The following ACAN variants were observed in gnomAD, a reference collection of about 807,000 sequenced individuals.
ACAN encodes aggrecan core protein.
A neutral mutation model predicts 169.1 loss-of-function variants in ACAN; 47 were observed. That is an observed-to-expected ratio of 0.28 (90% confidence interval 0.22 to 0.35). The LOEUF (loss-of-function observed/expected upper bound fraction) is 0.35. ACAN is among the 10% of genes least tolerant of loss of function. The pLI is 1.00. For synonymous variants in ACAN, 1,115 were observed against 1,112.2 expected, an observed-to-expected ratio of 1.00 and a Z score of -0.05; for missense variants, 2,716 against 2,759.9, an observed-to-expected ratio of 0.98 and a Z score of 0.36.
chr15:88,832,846 G>A (rs1896398195), intron 1 of ACAN, among the ~76,000 whole-genome samples: 1 of 152,210 alleles, frequency 6.6e-6, no homozygotes, highest in Non-Finnish European at 1.5e-5. Context: ...AACCAGGGAG[G>A]TGGGAGGAAA....
rs915320202 is a variant in ACAN, at chr15:88,803,746, C to A, written c.-71C>A. On this transcript the variant is annotated 5_prime_UTR_variant, in exon 1 of 19. Coordinates refer to ENST00000560601, the MANE Select transcript of ACAN (RefSeq NM_001369268.1). ...ACCCGGGCCTCCCGGCCCCAGGAGC[C>A]CCCAGCTGCCTCGCCAGGTGTGTGG... is the stretch of plus-strand genomic sequence containing the variant. 1 of 152,240 alleles carries A rather than the reference C, an allele frequency of 6.6e-6. No individual in the cohort carries two copies. Among genetic ancestry groups the A allele is most frequent in the Non-Finnish European group, 1.5e-5 (1 of 68,124 alleles). 9.4% of individuals were successfully genotyped at this position (152,240 alleles called of 1,614,324 possible).
At chr15:88,860,249 C>A in intron 12 of ACAN, 77 bp from the exon 13 acceptor site, 1 of 1,066,490 alleles carries the variant, frequency 9.4e-7, no homozygotes, top group Non-Finnish European at 1.4e-6. Context: ...CCTCATGCCC[C>A]AACTTTGAGG....
intron 1 of ACAN, among the ~76,000 whole-genome samples, chr15:88,809,678 T>C (rs1317651618): frequency 6.6e-6 from 1 of 152,226 alleles, no homozygotes; most frequent in East Asian, 1.9e-4. Context: ...TCCCAGAACG[T>C]GCTGCATCAG....
chr15:88,845,620 T>C lies in ACAN; in HGVS notation c.1167T>C (p.Thr389=). 6.2e-7 allele frequency: 1 copy of C among 1,614,034 alleles called. No individual in the cohort carries two copies. Among genetic ancestry groups the C allele is most frequent in the Non-Finnish European group, 8.5e-7 (1 of 1,179,902 alleles). Residue 389 remains threonine (T), a synonymous_variant, in exon 7 of 19, where the codon ACT becomes ACC. Transcript: ENST00000560601. ...DMELPLPRNI[T]EGEARGSVIL... is the part of the protein sequence containing the mutation. Reference sequence around the variant, plus strand: ...AGCTGCCACTGCCTCGAAACATCACTGAGGGTGAAGCCCGAGGCAGCGTGA... The same window carrying C: ...AGCTGCCACTGCCTCGAAACATCACCGAGGGTGAAGCCCGAGGCAGCGTGA...
chr15:88,818,833 G>A (rs1336067879), intron 1 of ACAN, among the ~76,000 whole-genome samples: 1 of 152,162 alleles, frequency 6.6e-6, no homozygotes, highest in Non-Finnish European at 1.5e-5. Flanking sequence ...GGAGATGGAT[G>A]GTGATAATGG....
intron 1 of ACAN, among the ~76,000 whole-genome samples, chr15:88,825,986 C>T (rs970220185): frequency 6.6e-6 from 1 of 152,204 alleles, no homozygotes; most frequent in Non-Finnish European, 1.5e-5. Context: ...ATTTCTGAAG[C>T]TGAAGTTTCG....
rs1408624060 is a variant in ACAN, at chr15:88,857,510, C to T, written c.4925C>T (p.Pro1642Leu). 1 of 1,613,934 alleles carries T rather than the reference C, an allele frequency of 6.2e-7. No individual in the cohort carries two copies. The highest frequency in any genetic ancestry group is 8.5e-7 in the Non-Finnish European group (1 of 1,179,900). Reference sequence around the variant, plus strand: ...TCTGGGGTGGACCTTGGAAGTGGCCCACCCTCTGGCCTGCCTGACTTTAGT... The same window carrying T: ...TCTGGGGTGGACCTTGGAAGTGGCCTACCCTCTGGCCTGCCTGACTTTAGT... ...EYSGVDLGSG[P>L]PSGLPDFSGL... The change falls in exon 12 of 19, where the codon CCA (proline) becomes CTA (leucine). Residue 1642 changes from proline (P) to leucine (L), a missense_variant. Pro to Leu is a moderately conservative substitution (Grantham distance 98). Around this residue, in one of 3 missense-constraint regions of ACAN, gnomAD observed 1,389 missense variants for 1,363.7 expected, o/e 1.02. Coordinates refer to ENST00000560601, the MANE Select transcript of ACAN (RefSeq NM_001369268.1).
Position 88,814,697 on chromosome 15 carries a change from CCTT to C in ACAN, c.-8+10890_-8+10892del, listed in dbSNP as rs1895897558. On this transcript the variant is annotated intron_variant, in intron 1 of 18. Transcript: ENST00000560601. This position sits in a 1 kb window ranked among gnomAD's most constrained non-coding sequence, Gnocchi z 4.0. ...CCTTTGCAATTGATTGTACCCGACT[CCTT>C]CAACCCTTCTCTGGGACTGCGCTGC... Among the ~76,000 whole-genome samples, 1 of 152,228 alleles carries C rather than the reference CCTT, an allele frequency of 6.6e-6. No homozygotes were observed. Among genetic ancestry groups the C allele is most frequent in the South Asian group, 2.1e-4 (1 of 4,832 alleles).
In ACAN at chr15:88,807,028, A is replaced by G. The variant is rs765718244; in HGVS notation, c.-8+3219A>G. Among the ~76,000 whole-genome samples the G allele has an allele frequency of 8.6e-5, 13 of 151,196 alleles. No individual in the cohort carries two copies. The highest frequency in any genetic ancestry group is 2.1e-4 in the South Asian group (1 of 4,758). On this transcript the variant is annotated intron_variant, in intron 1 of 18. Transcript: ENST00000560601. This position sits in a 1 kb window ranked among gnomAD's most constrained non-coding sequence, Gnocchi z 4.0. ...ATATACAAATTTGATATTTGCATAT[A>G]TTTTTATTTAATTTTTTTTTTACTA...
intron 1 of ACAN, among the ~76,000 whole-genome samples, chr15:88,813,207 T>G (rs750726226): frequency 6.6e-6 from 1 of 152,170 alleles, no homozygotes; most frequent in Non-Finnish European, 1.5e-5. Flanking sequence ...ACTTCAGAGC[T>G]TTTCAAACCA....
chr15:88,857,747 G>C lies in ACAN; in HGVS notation c.5162G>C (p.Gly1721Ala). The change falls in exon 12 of 19, where the codon GGG (glycine) becomes GCG (alanine). Residue 1721 changes from glycine to alanine, a missense_variant. Coordinates refer to ENST00000560601, the MANE Select transcript of ACAN (RefSeq NM_001369268.1). ...SGTELSGQAS[G>A]SPDVSGEIPG... is the part of the protein sequence containing the mutation. ...ACTGAACTCAGTGGCCAAGCATCTG[G>C]GTCTCCTGATGTCAGTGGGGAAATA... 6.2e-7 allele frequency: 1 copy of C among 1,613,944 alleles called. No individual in the cohort carries two copies. Among genetic ancestry groups the C allele is most frequent in the Non-Finnish European group, 8.5e-7 (1 of 1,179,898 alleles).
At chr15:88,854,587 G>A (rs1467954908) in intron 11 of ACAN, among the ~76,000 whole-genome samples, 3 of 152,152 alleles carry the variant, frequency 2.0e-5, no homozygotes, top group Non-Finnish European at 2.9e-5. Context: ...GCACCTGGGG[G>A]AGCTTCCCAG....
chr15:88,843,302 G>T lies in ACAN; in HGVS notation c.758-53G>T. ...AAGTGTGGATCTCTCTGGGGATGCA[G>T]AGCAGGGGGAGGGGGGAGAAGACCC... On this transcript the variant is annotated intron_variant, in intron 5 of 18. Transcript: ENST00000560601. The surrounding 1 kb of genome is among the most constrained non-coding windows in gnomAD (Gnocchi z 4.0). 7.5e-7 allele frequency: 1 copy of T among 1,340,126 alleles called. No individual in the cohort carries two copies. Among genetic ancestry groups the T allele is most frequent in the Non-Finnish European group, 9.6e-7 (1 of 1,045,504 alleles). The allele number at this position is 1,340,126 out of a possible 1,614,324, so 83.0% of individuals were successfully genotyped here. A position where few individuals can be genotyped will look rare whatever the true frequency, so the allele number is the denominator to read the frequency against.
chr15:88,818,217 A>C (rs1895990655), intron 1 of ACAN, among the ~76,000 whole-genome samples: 1 of 152,226 alleles, frequency 6.6e-6, no homozygotes, highest in Non-Finnish European at 1.5e-5. Context: ...CCATGTCTGC[A>C]ATGAAAAGTA....
rs1896606113 is a variant in ACAN, at chr15:88,839,952, G to A, written c.455-60G>A. 3.2e-6 allele frequency: 5 copies of A among 1,545,480 alleles called. No homozygotes were observed. Among genetic ancestry groups the A allele is most frequent in the African/African-American group, 1.4e-5 (1 of 73,410 alleles). ...ATTGCCATAATTCTGCGAGGGCCTCGGTGATCAGAGACTGTGCCTGACCAG... is the reference window on the plus strand; with the variant it reads ...ATTGCCATAATTCTGCGAGGGCCTCAGTGATCAGAGACTGTGCCTGACCAG... On this transcript the variant is annotated intron_variant, in intron 3 of 18. Coordinates refer to ENST00000560601, the MANE Select transcript of ACAN (RefSeq NM_001369268.1). The surrounding 1 kb of genome is among the most constrained non-coding windows in gnomAD (Gnocchi z 4.5).
Position 88,838,809 on chromosome 15 carries a change from A to G in ACAN, c.217A>G (p.Ile73Val), listed in dbSNP as rs775409722. The change falls in exon 3 of 19, where the codon ATC becomes GTC. Residue 73 changes from isoleucine to valine, a missense_variant. This residue lies in a region of ACAN where 1,283 missense variants were observed against 1,281.5 expected (regional missense o/e 1.00). Transcript: ENST00000560601. This position sits in a 1 kb window ranked among gnomAD's most constrained non-coding sequence, Gnocchi z 5.1. ...TTCTACCGCCCCACTGGCCCCAAGA[A>G]TCAAGTGGAGCCGTGTGTCCAAGGA... The part of the protein sequence containing the change: ...APSTAPLAPR[I>V]KWSRVSKEKE... 22 of 1,613,904 alleles carry G rather than the reference A, an allele frequency of 1.4e-5. No homozygotes were observed. The Admixed American group carries it at 3.5e-4, about 26-fold the overall frequency.
chr15:88,840,031 A>G lies in ACAN; in HGVS notation c.474A>G (p.Arg158=). The G allele has an allele frequency of 1.9e-6, 3 of 1,601,374 alleles. No homozygotes were observed. The highest frequency in any genetic ancestry group is 1.1e-5 in the South Asian group (1 of 88,586). ...TTGCAGGCATCGTGTTCCATTACAG[A>G]GCCATCTCTACACGCTACACCCTCG... ...VVVKGIVFHY[R]AISTRYTLDF... The change falls in exon 4 of 19, where the codon AGA becomes AGG. Residue 158 remains arginine, a synonymous_variant. Transcript: ENST00000560601.
chr15:88,819,860 T>C (rs568255280), intron 1 of ACAN, among the ~76,000 whole-genome samples: 2 of 152,266 alleles, frequency 1.3e-5, no homozygotes, highest in Admixed American at 1.3e-4. Flanking sequence ...GGGTACTATC[T>C]TCAGCCCCTA....
At chr15:88,821,390 C>T (rs1034170385) in intron 1 of ACAN, among the ~76,000 whole-genome samples, 4 of 152,196 alleles carry the variant, frequency 2.6e-5, no homozygotes, top group Non-Finnish European at 5.9e-5. Flanking sequence ...GTTGTCCAGG[C>T]TGGTCTCAAA....
Sources: gnomAD v4.1 joint callset for allele counts (sites outside exome capture counted in the v4.1 genomes callset) on GRCh38, gnomAD v4.1.1 for gene constraint, gnomAD v4.1.1 regional missense constraint, Gnocchi (gnomAD v3.1) non-coding constraint, MANE v1.5 for transcripts, NCBI Gene and HGNC (gene_info 2026-07-23, HGNC 2026-07-21) for gene names.